WDR70: variants seen among roughly 807,000 people sequenced by gnomAD.
The protein encoded by WDR70 is WD repeat-containing protein 70.
WDR70 carries 53 observed loss-of-function variants against 88.6 expected under a neutral mutation model. The ratio of observed to expected loss-of-function variants is 0.60; its 90% confidence interval spans 0.48 to 0.75. The LOEUF (loss-of-function observed/expected upper bound fraction) is 0.75, where lower values mean the gene tolerates loss of function less well. Among genes scored for constraint, WDR70 ranks in the 30% least tolerant of loss-of-function variants. The pLI is 0.00. For synonymous variants in WDR70, 280 were observed against 270.0 expected (o/e 1.04, Z -0.36); for missense variants, 610 against 823.2 (o/e 0.74, Z 3.17).
At chr5:37,443,744 C>T (rs894281876) in intron 7 of WDR70, among the ~76,000 whole-genome samples, 17 of 151,540 alleles carry the variant, frequency 1.1e-4, no homozygotes, top group African/African-American at 2.9e-4. Context: ...TCCAGCTACT[C>T]GGGAGGCTGA....
At chr5:37,740,969 A>T (rs1027936552) in intron 17 of WDR70, among the ~76,000 whole-genome samples, 1 of 152,190 alleles carries the variant, frequency 6.6e-6, no homozygotes, top group African/African-American at 2.4e-5. Flanking sequence ...TGGACATTTT[A>T]TAGCAATTTG....
intron 10 of WDR70, among the ~76,000 whole-genome samples, chr5:37,630,810 C>T (rs1374681365): frequency 6.6e-6 from 1 of 152,160 alleles, no homozygotes; most frequent in African/African-American, 2.4e-5. Flanking sequence ...TCCAGAGGTG[C>T]CTCAGGTAAC....
At chr5:37,386,078 C>G (rs1324372932) in intron 3 of WDR70, among the ~76,000 whole-genome samples, 44 of 151,272 alleles carry the variant, frequency 2.9e-4, no homozygotes, top group Non-Finnish European at 6.2e-4. Context: ...CTCCCAAAGT[C>G]CTGGGATTAC....
At chr5:37,664,008 A>G (rs1171368643) in intron 10 of WDR70, among the ~76,000 whole-genome samples, 2 of 152,182 alleles carry the variant, frequency 1.3e-5, no homozygotes, top group Non-Finnish European at 2.9e-5. Flanking sequence ...AGAGTAGACT[A>G]TATTTGCAAC....
At chr5:37,663,139 T>C (rs1407900039) in intron 10 of WDR70, among the ~76,000 whole-genome samples, 1 of 152,198 alleles carries the variant, frequency 6.6e-6, no homozygotes, top group Non-Finnish European at 1.5e-5. Context: ...CATTTTTTGT[T>C]ATTATGAGGG....
intron 17 of WDR70, among the ~76,000 whole-genome samples, chr5:37,737,254 C>A (rs111937463): frequency 5.7e-4 from 86 of 152,152 alleles, no homozygotes; most frequent in African/African-American, 1.9e-3. Context: ...CCCATTTTAC[C>A]GATAAGGAGA....
At chr5:37,656,054 G>GT (rs146476048) in intron 10 of WDR70, among the ~76,000 whole-genome samples, 70,470 of 150,792 alleles carry the variant, frequency 0.47, 17,943 homozygotes, top group Non-Finnish European at 0.58. Context: ...TTTTGCCCTG[G>GT]TTTTTTTTTC....
In WDR70 at chr5:37,398,362, G is replaced by A. The variant is rs1749092215; in HGVS notation, c.492+1792G>A. Among the ~76,000 whole-genome samples the A allele has an allele frequency of 1.3e-5, 2 of 152,074 alleles. 1 individual carries two copies. Among genetic ancestry groups the A allele is most frequent in the Non-Finnish European group, 2.9e-5 (2 of 68,030 alleles). ...CTCGGCCTCCCAAAGTGCTGGGACA[G>A]GCGTGAGCCACTGCGCCCGGCCGCA... is the stretch of plus-strand genomic sequence containing the variant. On this transcript the variant is annotated intron_variant, in intron 5 of 17. Coordinates refer to ENST00000265107, the MANE Select transcript of WDR70 (RefSeq NM_018034.4).
intron 7 of WDR70, among the ~76,000 whole-genome samples, chr5:37,473,540 C>T (rs565688305): frequency 6.6e-6 from 1 of 152,154 alleles, no homozygotes; most frequent in Admixed American, 6.5e-5. Flanking sequence ...AACAGGGTTT[C>T]ACCATGTTAG....
intron 10 of WDR70, among the ~76,000 whole-genome samples, chr5:37,675,630 A>C (rs1746180958): frequency 6.6e-6 from 1 of 152,152 alleles, no homozygotes; most frequent in Non-Finnish European, 1.5e-5. Flanking sequence ...TGTTTTGGTT[A>C]CTGTAGCCTT....
rs189901357 is a variant in WDR70 at position 37,652,439 on chromosome 5, A to C, written c.1093-45216A>C. ...CTATGTGGGCTCTTTTTTTGGTTCC[A>C]TATGAAATGTAAAGTAGTTTTCTCT... On this transcript the variant is annotated intron_variant, in intron 10 of 17. Coordinates refer to ENST00000265107, the MANE Select transcript of WDR70 (RefSeq NM_018034.4). Among the ~76,000 whole-genome samples, 33 of 152,310 alleles carry C rather than the reference A, an allele frequency of 2.2e-4. No homozygotes were observed. In the East Asian group the frequency reaches 6.4e-3, roughly 29 times the overall value.
chr5:37,725,130 T>A, intron 16 of WDR70, 80 bp downstream of exon 16: 1 of 1,200,030 alleles, frequency 8.3e-7, no homozygotes, highest in Non-Finnish European at 1.2e-6. Flanking sequence ...GGGAAGGTCT[T>A]TTGGGCCTGG....
In WDR70 at chr5:37,534,143, C is replaced by T. The variant is rs118117356; in HGVS notation, c.917+17553C>T. On this transcript the variant is annotated intron_variant, in intron 9 of 17. Coordinates refer to ENST00000265107, the MANE Select transcript of WDR70 (RefSeq NM_018034.4). ...TTTGCAGACACACCCTAGTACCAGC[C>T]TGAAGTTCTGCTCAATACTGTTCAT... Among the ~76,000 whole-genome samples the T allele has an allele frequency of 1.8e-4, 27 of 152,270 alleles. No homozygotes were observed. The East Asian group carries it at 5.0e-3, about 28-fold the overall frequency.
In WDR70 at chr5:37,581,447, T is replaced by G. The variant is rs182921984; in HGVS notation, c.918-23617T>G. Reference sequence around the variant, plus strand: ...ATATCACCAGTTAGGAGACAGGAGTTAAAAACAGGCAAAATGACTTCATTG... The same window carrying G: ...ATATCACCAGTTAGGAGACAGGAGTGAAAAACAGGCAAAATGACTTCATTG... On this transcript the variant is annotated intron_variant, in intron 9 of 17. Coordinates refer to ENST00000265107, the MANE Select transcript of WDR70 (RefSeq NM_018034.4). Among the ~76,000 whole-genome samples, 351 of 152,258 alleles carry G rather than the reference T, an allele frequency of 2.3e-3. 3 individuals are homozygous for G. Among genetic ancestry groups the G allele is most frequent in the Non-Finnish European group, 1.0e-3 (70 of 68,014 alleles).
At chr5:37,457,227 C>T (rs1240665555) in intron 7 of WDR70, among the ~76,000 whole-genome samples, 1 of 152,174 alleles carries the variant, frequency 6.6e-6, no homozygotes, top group Admixed American at 6.5e-5. Context: ...TCCCAAGTAG[C>T]TGGGAATTCA....
At chr5:37,417,702 C>G (rs1749804724) in intron 5 of WDR70, among the ~76,000 whole-genome samples, 1 of 152,078 alleles carries the variant, frequency 6.6e-6, no homozygotes, top group African/African-American at 2.4e-5. Context: ...CCATGCCGAG[C>G]TAATTATTTT....
At chr5:37,727,409 C>T (rs187788291) in intron 17 of WDR70, among the ~76,000 whole-genome samples, 1 of 152,092 alleles carries the variant, frequency 6.6e-6, no homozygotes, top group Non-Finnish European at 1.5e-5. Flanking sequence ...TATGAACTCA[C>T]TTTTATTTAT....
chr5:37,727,349 C>T (rs865995515), intron 17 of WDR70, among the ~76,000 whole-genome samples: 2 of 152,256 alleles, frequency 1.3e-5, no homozygotes, highest in South Asian at 2.1e-4. Context: ...TGTGCATTAT[C>T]TTAGTTGACG....
chr5:37,529,034 A>G (rs141039602), intron 9 of WDR70, among the ~76,000 whole-genome samples: 212 of 150,452 alleles, frequency 1.4e-3, no homozygotes, highest in Admixed American at 2.7e-3. Flanking sequence ...TCATTCTTCT[A>G]TATGTGGCTT....
Sources: allele counts gnomAD v4.1 joint callset (sites outside exome capture counted in the v4.1 genomes callset), GRCh38; gene constraint gnomAD v4.1.1; transcripts MANE v1.5; gene names NCBI Gene and HGNC (gene_info 2026-07-23, HGNC 2026-07-21).